The following WDPCP variants were observed in gnomAD, a reference collection of about 807,000 sequenced individuals.
WDPCP encodes the protein WD repeat containing planar cell polarity effector, also known as WD repeat-containing and planar cell polarity effector protein fritz homolog.
In WDPCP, 71 loss-of-function variants were observed where a neutral mutation model predicts 93.1. The ratio of observed to expected loss-of-function variants is 0.76; its 90% CI spans 0.63 to 0.93. The LOEUF (loss-of-function observed/expected upper bound fraction) is 0.93, where lower values mean the gene tolerates loss of function less well. Among genes scored for constraint, WDPCP ranks in the 40% least tolerant of loss-of-function variants. The pLI, the probability that WDPCP is intolerant of heterozygous loss-of-function variation, is 0.00. For synonymous variants in WDPCP, 315 were observed against 315.0 expected, an observed-to-expected ratio of 1.00 and a Z score of 0.00; for missense variants, 844 against 887.4, an observed-to-expected ratio of 0.95 and a Z score of 0.62.
intron 6 of WDPCP, among the ~76,000 whole-genome samples, chr2:63,480,349 T>C (rs545148019): frequency 6.6e-6 from 1 of 152,102 alleles, no homozygotes; most frequent in Non-Finnish European, 1.5e-5. Context: ...TCCCATCAAA[T>C]ACCACCACCA....
intron 2 of WDPCP, among the ~76,000 whole-genome samples, chr2:63,808,468 A>T (rs1191241407): frequency 6.6e-6 from 1 of 151,872 alleles, no homozygotes; most frequent in Non-Finnish European, 1.5e-5. Flanking sequence ...CAGCCTGCCG[A>T]ATGCCTGCGA....
chr2:63,198,529 T>C (rs1445909023), intron 14 of WDPCP, among the ~76,000 whole-genome samples: 1 of 152,198 alleles, frequency 6.6e-6, no homozygotes, highest in Non-Finnish European at 1.5e-5. Context: ...AGGAAGAGCC[T>C]GGTGGGAGGT....
intron 1 of WDPCP, among the ~76,000 whole-genome samples, chr2:63,533,749 A>G (rs985657449): frequency 6.6e-6 from 1 of 152,234 alleles, no homozygotes; most frequent in African/African-American, 2.4e-5. Flanking sequence ...TGCCCACAAG[A>G]GAAAGCAGCA....
chr2:63,417,898 G>A (rs1280367930), intron 9 of WDPCP, among the ~76,000 whole-genome samples: 1 of 151,394 alleles, frequency 6.6e-6, no homozygotes, highest in African/African-American at 2.4e-5. Context: ...AATGGGCTCA[G>A]ATAAAATATG....
intron 2 of WDPCP, among the ~76,000 whole-genome samples, chr2:63,759,665 A>G (rs1162338360): frequency 2.0e-5 from 3 of 152,222 alleles, no homozygotes; most frequent in Admixed American, 2.0e-4. Context: ...CTGCCCCAAC[A>G]TGATACACCA....
At chr2:63,453,394 A>G (rs928694116) in intron 6 of WDPCP, among the ~76,000 whole-genome samples, 1 of 152,226 alleles carries the variant, frequency 6.6e-6, no homozygotes, top group African/African-American at 2.4e-5. Flanking sequence ...CTACAATGAG[A>G]TATGACCTCA....
chr2:63,514,418 T>C (rs578074896), intron 1 of WDPCP, among the ~76,000 whole-genome samples: 5 of 152,274 alleles, frequency 3.3e-5, no homozygotes, highest in Admixed American at 3.3e-4. Context: ...TTCAAACTGA[T>C]GGTCCGTTTA....
chr2:63,147,507 G>T (rs1325455383), intron 17 of WDPCP, among the ~76,000 whole-genome samples: 3 of 152,134 alleles, frequency 2.0e-5, no homozygotes, highest in Non-Finnish European at 4.4e-5. Context: ...GGAAAATGAT[G>T]AGTTTAGTTT....
chr2:63,606,968 A>G, intron 3 of WDPCP: 14 of 1,612,292 alleles, frequency 8.7e-6, no homozygotes, highest in Non-Finnish European at 1.2e-5. Flanking sequence ...AGTGCTTTTG[A>G]ATTTCTTTCC....
chr2:63,205,129 C>T (rs1676236841), intron 14 of WDPCP, among the ~76,000 whole-genome samples: 1 of 152,046 alleles, frequency 6.6e-6, no homozygotes, highest in Admixed American at 6.6e-5. Context: ...CTTTTGTCAC[C>T]TTTGTTGAAA....
intron 3 of WDPCP, among the ~76,000 whole-genome samples, chr2:63,621,199 T>G (rs1709732389): frequency 6.6e-6 from 1 of 152,014 alleles, no homozygotes; most frequent in African/African-American, 2.4e-5. Flanking sequence ...AGAAGGTGGC[T>G]TCAGACGGTG....
chr2:63,211,084 T>TG (rs1676748976), intron 14 of WDPCP, among the ~76,000 whole-genome samples: 1 of 152,206 alleles, frequency 6.6e-6, no homozygotes, highest in South Asian at 2.1e-4. Context: ...TAAACGTCCC[T>TG]GTCAGACAGC....
At chr2:63,409,268 T>C (rs1354954736) in intron 9 of WDPCP, among the ~76,000 whole-genome samples, 2 of 152,118 alleles carry the variant, frequency 1.3e-5, no homozygotes, top group Admixed American at 6.6e-5. Context: ...CCAGGTAGAC[T>C]TCCTGGGTGG....
chr2:63,246,652 C>T (rs974150688), intron 14 of WDPCP, among the ~76,000 whole-genome samples: 4 of 152,162 alleles, frequency 2.6e-5, no homozygotes, highest in Non-Finnish European at 4.4e-5. Context: ...CACAGTTGTG[C>T]GTGACTGGCA....
intron 14 of WDPCP, among the ~76,000 whole-genome samples, chr2:63,204,356 T>TC (rs1676162290): frequency 6.7e-6 from 1 of 148,578 alleles, no homozygotes; most frequent in Non-Finnish European, 1.5e-5. Context: ...TTTTTTTTTT[T>TC]TTGAGACAGA....
chr2:63,657,236 G>A (rs1183818232), intron 2 of WDPCP, among the ~76,000 whole-genome samples: 2 of 124,906 alleles, frequency 1.6e-5, no homozygotes, highest in African/African-American at 6.3e-5. Flanking sequence ...ACGGAGTCTC[G>A]CTCTGTCACC....
At chr2:63,377,661 G>A (rs944589403) in intron 12 of WDPCP, among the ~76,000 whole-genome samples, 2 of 151,322 alleles carry the variant, frequency 1.3e-5, no homozygotes, top group Non-Finnish European at 3.0e-5. Flanking sequence ...ACTCCAGACT[G>A]CTCTAAATTG....
In WDPCP at chr2:63,303,269, T is replaced by C. The variant is rs1685467604; in HGVS notation, c.1812+9979A>G. Among the ~76,000 whole-genome samples, 7 of 152,260 alleles carry C rather than the reference T, an allele frequency of 4.6e-5. No homozygotes were observed. In the South Asian group the frequency reaches 1.5e-3, roughly 32 times the overall value. On this transcript the variant is annotated intron_variant, in intron 13 of 17. Coordinates refer to ENST00000272321, the MANE Select transcript of WDPCP (RefSeq NM_015910.7). ...GTGGCCCTCCTTCTTGACTAAGCCA[T>C]CTAGGGGCCTAAGGAGTTGTACCAA... is the stretch of plus-strand genomic sequence containing the variant.
intron 1 of WDPCP, among the ~76,000 whole-genome samples, chr2:63,534,476 A>G (rs958325187): frequency 4.6e-5 from 7 of 152,166 alleles, no homozygotes; most frequent in Non-Finnish European, 2.9e-5. Context: ...ATACTGGCAA[A>G]CTGAATCCAG....
Sources: allele counts gnomAD v4.1 joint callset (sites outside exome capture counted in the v4.1 genomes callset), GRCh38; gene constraint gnomAD v4.1.1; transcripts MANE v1.5; gene names NCBI Gene and HGNC (gene_info 2026-07-23, HGNC 2026-07-21).